The following CCDC57 variants were observed in gnomAD, a reference collection of about 807,000 sequenced individuals.
CCDC57 encodes the protein coiled-coil domain-containing protein 57.
CCDC57 carries 118 observed loss-of-function variants against 118.9 expected under a neutral mutation model. The ratio of observed to expected loss-of-function variants is 0.99; its 90% CI spans 0.86 to 1.16. The LOEUF (loss-of-function observed/expected upper bound fraction) is 1.16. Ranked by LOEUF, CCDC57 falls within the 50% of genes most tolerant of loss-of-function variation. The pLI, the probability that CCDC57 is intolerant of heterozygous loss-of-function variation, is 0.00. For missense variants in CCDC57, 1,300 were observed against 1,320.7 expected, an observed-to-expected ratio of 0.98 and a Z score of 0.24; for synonymous variants, 527 against 532.9, an observed-to-expected ratio of 0.99 and a Z score of 0.15.
intron 15 of CCDC57, chr17:82,157,523 A>G (rs8065565): frequency 0.44 from 629,672 of 1,421,868 alleles, 145,987 homozygotes; most frequent in East Asian, 0.89. Flanking sequence ...CCAACGGGGC[A>G]TCAAGGTGAA....
At chr17:82,129,905 T>C (rs755277903) in intron 17 of CCDC57, among the ~76,000 whole-genome samples, 2 of 151,040 alleles carry the variant, frequency 1.3e-5, no homozygotes, top group Non-Finnish European at 3.0e-5. Context: ...AATAAATAAA[T>C]AAAAAATTAG....
At chr17:82,128,696 A>G (rs1598746643) in intron 17 of CCDC57, 99 bp from the exon 17 acceptor site, 2 of 945,176 alleles carry the variant, frequency 2.1e-6, no homozygotes, top group East Asian at 5.3e-5. Context: ...ATGCCTTCCC[A>G]CATTTCTGGT....
intron 17 of CCDC57, among the ~76,000 whole-genome samples, chr17:82,129,519 T>G (rs1469329537): frequency 2.6e-5 from 4 of 152,164 alleles, no homozygotes; most frequent in Non-Finnish European, 5.9e-5. Context: ...ACTTGGCCCA[T>G]GTTTACCAAC....
exon 13 of CCDC57, chr17:82,171,724 A>C (rs747042025): frequency 1.2e-5 from 19 of 1,612,970 alleles, no homozygotes; most frequent in Admixed American, 1.7e-5. Flanking sequence ...CGAGGTGCGG[A>C]CGCTGGGCTG....
intron 16 of CCDC57, among the ~76,000 whole-genome samples, chr17:82,135,928 AT>A (rs1271718498): frequency 6.6e-6 from 1 of 152,220 alleles, no homozygotes; most frequent in African/African-American, 2.4e-5. Flanking sequence ...TATAAAAAAA[AT>A]AAAGTTTTTA....
chr17:82,147,405 T>C (rs1326870985), intron 16 of CCDC57, among the ~76,000 whole-genome samples: 1 of 148,926 alleles, frequency 6.7e-6, no homozygotes, highest in Non-Finnish European at 1.5e-5. Context: ...GATGAACAGA[T>C]GGATGGGTGG....
At chr17:82,177,710 C>T (rs1158106990) in intron 11 of CCDC57, among the ~76,000 whole-genome samples, 2 of 152,248 alleles carry the variant, frequency 1.3e-5, no homozygotes, top group African/African-American at 2.4e-5. Context: ...AGTGGCTGGC[C>T]GCTTAGTGCG....
At chr17:82,173,011 G>A (rs1215984131) in intron 11 of CCDC57, among the ~76,000 whole-genome samples, 151 bp from the exon 11 acceptor site, 1 of 152,132 alleles carries the variant, frequency 6.6e-6, no homozygotes, top group Non-Finnish European at 1.5e-5. Flanking sequence ...AGGCTGTGAT[G>A]CCCCTCCTTT....
chr17:82,132,921 G>A (rs542718035), intron 17 of CCDC57, among the ~76,000 whole-genome samples: 4 of 151,802 alleles, frequency 2.6e-5, no homozygotes. Flanking sequence ...CACCATGCCC[G>A]GCTAATTTTT....
chr17:82,134,018 G>A (rs888725850), intron 17 of CCDC57, 55 bp downstream of exon 16: 8 of 1,308,670 alleles, frequency 6.1e-6, no homozygotes, highest in South Asian at 2.4e-5. Context: ...TAATGAAAAC[G>A]ACACAATTAG....
intron 11 of CCDC57, among the ~76,000 whole-genome samples, chr17:82,176,717 G>A (rs2045552216): frequency 6.6e-6 from 1 of 152,116 alleles, no homozygotes. Flanking sequence ...TCACCCCAAC[G>A]GTACAACTCC....
At chr17:82,122,735 A>G (rs952682120) in intron 19 of CCDC57, among the ~76,000 whole-genome samples, 5 of 152,186 alleles carry the variant, frequency 3.3e-5, no homozygotes, top group Non-Finnish European at 5.9e-5. Flanking sequence ...ATTAAAGGCC[A>G]GCCCTGCACA....
intron 19 of CCDC57, among the ~76,000 whole-genome samples, chr17:82,115,417 A>C (rs1174809434): frequency 1.3e-5 from 2 of 152,178 alleles, no homozygotes; most frequent in Non-Finnish European, 2.9e-5. Flanking sequence ...CTAATTCTAC[A>C]AACAGTTTAA....
Position 82,157,797 on chromosome 17 carries a change from G to T in CCDC57, c.2192C>A (p.Ser731Ter). 6.2e-7 allele frequency: 1 copy of T among 1,605,780 alleles called. No individual in the cohort carries two copies. ...CGAGGCTGGGGGCTGCTTCCTGCCT[G>T]AAGGCTCCGCTCCCCCGTGCTGGGC... is the stretch of plus-strand genomic sequence containing the variant. Residue 731 changes from serine (S) to a stop codon, truncating the protein, a stop_gained, in exon 15 of 20, where the codon TCA becomes TAA. Coordinates refer to ENST00000665763, the Ensembl canonical transcript of CCDC57. LOFTEE classifies it high-confidence loss of function.
At chr17:82,102,297 C>T (rs1378824309) in intron 19 of CCDC57, among the ~76,000 whole-genome samples, 2 of 152,308 alleles carry the variant, frequency 1.3e-5, no homozygotes, top group South Asian at 2.1e-4. Context: ...GACACATTGC[C>T]TGCCCCCGCC....
chr17:82,207,209 T>C (rs1341169544), intron 2 of CCDC57, among the ~76,000 whole-genome samples: 1 of 152,108 alleles, frequency 6.6e-6, no homozygotes, highest in Non-Finnish European at 1.5e-5. Flanking sequence ...GGGCGTCGCT[T>C]GTAGTCTCAG....
At chr17:82,106,025 T>G (rs1226262961) in intron 19 of CCDC57, among the ~76,000 whole-genome samples, 1 of 152,168 alleles carries the variant, frequency 6.6e-6, no homozygotes, top group Non-Finnish European at 1.5e-5. Flanking sequence ...ACCCCTTGTT[T>G]CATGCCAGCA....
chr17:82,124,622 G>T (rs1186234934), intron 19 of CCDC57, among the ~76,000 whole-genome samples: 1 of 151,704 alleles, frequency 6.6e-6, no homozygotes, highest in African/African-American at 2.4e-5. Context: ...GCGACACCTT[G>T]TACCTACAAA....
At chr17:82,105,477 C>T (rs554878466) in intron 19 of CCDC57, among the ~76,000 whole-genome samples, 2 of 152,162 alleles carry the variant, frequency 1.3e-5, no homozygotes, top group African/African-American at 4.8e-5. Context: ...TGACTCCCCC[C>T]ACCCCGAATC....
Sources: allele counts gnomAD v4.1 joint callset (sites outside exome capture counted in the v4.1 genomes callset), GRCh38; gene constraint gnomAD v4.1.1; transcripts MANE v1.5; gene names NCBI Gene and HGNC (gene_info 2026-07-23, HGNC 2026-07-21).